The following ITPKB variants were observed in gnomAD, a reference collection of about 807,000 sequenced individuals.
The protein encoded by ITPKB is IP3 3-kinase B.
A neutral mutation model predicts 69.4 loss-of-function variants in ITPKB; 13 were observed. The observed-to-expected ratio is 0.19, with a 90% CI of 0.12 to 0.30. The LOEUF is 0.30. Among genes scored for constraint, ITPKB ranks in the 10% least tolerant of loss-of-function variants. The pLI, the probability that ITPKB is intolerant of heterozygous loss-of-function variation, is 1.00. For missense variants in ITPKB, 1,240 were observed against 1,250.5 expected (o/e 0.99, Z 0.13); for synonymous variants, 584 against 513.7 (o/e 1.14, Z -1.85).
chr1:226,646,988 G>A (rs186175386), intron 4 of ITPKB, among the ~76,000 whole-genome samples, 179 bp downstream of exon 4: 9 of 152,336 alleles, frequency 5.9e-5, no homozygotes, highest in South Asian at 2.1e-4. Flanking sequence ...CCCAGGTCCC[G>A]GAACCCTCTG....
intron 2 of ITPKB, among the ~76,000 whole-genome samples, chr1:226,698,572 C>G (rs1483110644): frequency 6.6e-6 from 1 of 152,256 alleles, no homozygotes; most frequent in Non-Finnish European, 1.5e-5. Context: ...TGAGGCGTTG[C>G]TAAGTCATCA....
intron 2 of ITPKB, among the ~76,000 whole-genome samples, chr1:226,669,702 T>C (rs1328910271): frequency 1.1e-4 from 16 of 152,156 alleles, no homozygotes; most frequent in Non-Finnish European, 2.1e-4. Flanking sequence ...AAATAAAGTA[T>C]GCTTGAAGGG....
intron 2 of ITPKB, among the ~76,000 whole-genome samples, chr1:226,688,382 C>T (rs1360087463): frequency 2.0e-5 from 3 of 152,008 alleles, no homozygotes; most frequent in Admixed American, 6.6e-5. Context: ...CACTCCTGAC[C>T]GCCCCCCATC....
intron 2 of ITPKB, among the ~76,000 whole-genome samples, chr1:226,654,126 C>T (rs1166433840): frequency 2.0e-5 from 3 of 152,118 alleles, no homozygotes; most frequent in Non-Finnish European, 4.4e-5. Flanking sequence ...CTTTGAAACT[C>T]AAGAGAGGCC....
intron 3 of ITPKB, among the ~76,000 whole-genome samples, chr1:226,648,450 T>A (rs935931558): frequency 1.7e-4 from 4 of 24,086 alleles, no homozygotes; most frequent in Non-Finnish European, 2.7e-4. Context: ...GGAGGATGCA[T>A]GTTTTGGAGG....
intron 2 of ITPKB, among the ~76,000 whole-genome samples, chr1:226,664,256 C>G (rs1014014315): frequency 2.0e-5 from 3 of 152,196 alleles, no homozygotes; most frequent in Non-Finnish European, 4.4e-5. Flanking sequence ...TCTGGGAGTC[C>G]TTCCAGTCAG....
At chr1:226,655,937 G>A (rs1458435839) in intron 2 of ITPKB, among the ~76,000 whole-genome samples, 1 of 152,118 alleles carries the variant, frequency 6.6e-6, no homozygotes, top group Non-Finnish European at 1.5e-5. Flanking sequence ...CAGCGCACCC[G>A]GGCTCATATT....
At chr1:226,699,466 T>C (rs563011203) in intron 2 of ITPKB, among the ~76,000 whole-genome samples, 2 of 152,384 alleles carry the variant, frequency 1.3e-5, no homozygotes, top group Admixed American at 6.5e-5. Flanking sequence ...TAGAATTTTC[T>C]TGGACAACTG....
chr1:226,691,101 T>C (rs1288363446), intron 2 of ITPKB, among the ~76,000 whole-genome samples: 1 of 152,076 alleles, frequency 6.6e-6, no homozygotes, highest in Non-Finnish European at 1.5e-5. Context: ...TAGTTTCAGT[T>C]TGAGAAAATG....
intron 2 of ITPKB, among the ~76,000 whole-genome samples, chr1:226,689,569 T>TTGTTTGTGTG (rs1553255311): frequency 7.2e-6 from 1 of 138,474 alleles, no homozygotes; most frequent in African/African-American, 2.7e-5. Context: ...AAGGTTTTAT[T>TTGTTTGTGTG]TGTGTGTGTG....
At chr1:226,692,852 G>T (rs985517920) in intron 2 of ITPKB, among the ~76,000 whole-genome samples, 40 of 152,192 alleles carry the variant, frequency 2.6e-4, no homozygotes, top group African/African-American at 8.7e-4. Context: ...ACTCCCCCAT[G>T]CAACTGTGAA....
intron 2 of ITPKB, among the ~76,000 whole-genome samples, chr1:226,704,106 C>T (rs1656745219): frequency 6.6e-6 from 1 of 152,164 alleles, no homozygotes; most frequent in Non-Finnish European, 1.5e-5. Context: ...ACTCTAAATA[C>T]TATTTGTTTA....
At position 226,735,813 on chromosome 1, in the gene ITPKB, G is replaced by A. The variant is rs751661834; in HGVS notation, c.1646C>T (p.Pro549Leu). ...SDALPSPELL[P>L]QDPDKPFLRK... is the part of the protein sequence containing the mutation. ...CAGGAAAGGCTTGTCCGGATCTTGGGGTAGCAGCTCCGGACTTGGGAGGGC... is the reference window on the plus strand; with the variant it reads ...CAGGAAAGGCTTGTCCGGATCTTGGAGTAGCAGCTCCGGACTTGGGAGGGC... Residue 549 changes from proline to leucine, a missense_variant, in exon 2 of 8, where the codon CCC (proline) becomes CTC (leucine). Physicochemically the swap from Pro to Leu is moderately conservative, Grantham distance 98. This residue lies in a region of ITPKB where 992 missense variants were observed against 853.8 expected (regional missense o/e 1.16). Coordinates refer to ENST00000429204, the MANE Select transcript of ITPKB (RefSeq NM_002221.4). 32 of 1,608,168 alleles carry A rather than the reference G, an allele frequency of 2.0e-5. No homozygotes were observed. The highest frequency in any genetic ancestry group is 2.6e-5 in the Non-Finnish European group (30 of 1,175,466).
intron 2 of ITPKB, among the ~76,000 whole-genome samples, chr1:226,679,176 A>T (rs1250842215): frequency 2.0e-5 from 3 of 152,240 alleles, no homozygotes; most frequent in African/African-American, 4.8e-5. Flanking sequence ...CAGAATTCTT[A>T]AAAATGTCAC....
Position 226,683,217 on chromosome 1 carries a change from C to T in ITPKB, c.1933-34446G>A, listed in dbSNP as rs1300346889. On this transcript the variant is annotated intron_variant, in intron 2 of 7. Transcript: ENST00000429204. The stretch of plus-strand genomic sequence containing the variant: ...GGGCTGGGGAATCCCAACTCTGCAA[C>T]ACCTCCCCCTTCGTGCTTTGAGCAG... Among the ~76,000 whole-genome samples the T allele has an allele frequency of 2.0e-5, 3 of 152,206 alleles. No individual in the cohort carries two copies. In the South Asian group the frequency reaches 6.2e-4, roughly 32 times the overall value.
chr1:226,661,113 C>T (rs892307401), intron 2 of ITPKB, among the ~76,000 whole-genome samples: 2 of 152,238 alleles, frequency 1.3e-5, no homozygotes, highest in Non-Finnish European at 2.9e-5. Flanking sequence ...CTCTCAGAGG[C>T]GCCAGCCAGG....
intron 6 of ITPKB, among the ~76,000 whole-genome samples, chr1:226,639,054 C>CTT (rs34561047): frequency 0.31 from 38,604 of 123,648 alleles, 7,168 homozygotes; most frequent in African/African-American, 0.48. Flanking sequence ...GTGCCCTTGA[C>CTT]TTTTTTTTTT....
chr1:226,642,167 C>A lies in ITPKB; in HGVS notation c.2247-42G>T. ...GCGACATGAGGGCCGAGGCCTGGGGCAGGGCTCACCAGCAGCTCCTTTCCT... is the reference window on the plus strand; with the variant it reads ...GCGACATGAGGGCCGAGGCCTGGGGAAGGGCTCACCAGCAGCTCCTTTCCT... On this transcript the variant is annotated intron_variant, in intron 4 of 7. Coordinates refer to ENST00000429204, the MANE Select transcript of ITPKB (RefSeq NM_002221.4). The surrounding 1 kb of genome is among the most constrained non-coding windows in gnomAD (Gnocchi z 6.4). The A allele has an allele frequency of 6.6e-7, 1 of 1,518,328 alleles. No individual in the cohort carries two copies. The highest frequency in any genetic ancestry group is 9.0e-7 in the Non-Finnish European group (1 of 1,107,606). 94.1% of individuals were successfully genotyped at this position (1,518,328 alleles called of 1,614,324 possible).
At chr1:226,698,008 C>T (rs540643900) in intron 2 of ITPKB, among the ~76,000 whole-genome samples, 17 of 152,200 alleles carry the variant, frequency 1.1e-4, no homozygotes, top group African/African-American at 3.6e-4. Flanking sequence ...ACACTCCCCC[C>T]GGGGCAGAAC....
Sources: allele counts gnomAD v4.1 joint callset (sites outside exome capture counted in the v4.1 genomes callset), GRCh38; gene constraint gnomAD v4.1.1; regional missense constraint gnomAD v4.1.1; non-coding constraint Gnocchi (gnomAD v3.1); transcripts MANE v1.5; gene names NCBI Gene and HGNC (gene_info 2026-07-23, HGNC 2026-07-21).